The following FER variants were observed in gnomAD, a reference collection of about 807,000 sequenced individuals.
FER encodes the protein FER tyrosine kinase, also known as tyrosine-protein kinase Fer.
A neutral mutation model predicts 111.0 loss-of-function variants in FER; 63 were observed. The observed-to-expected ratio is 0.57, with a 90% confidence interval of 0.46 to 0.70. FER has a LOEUF of 0.70. Ranked by LOEUF, FER falls within the 30% of genes least tolerant of loss-of-function variation. The pLI is 0.00. For missense variants in FER, 914 were observed against 954.0 expected, an observed-to-expected ratio of 0.96 and a Z score of 0.55; for synonymous variants, 327 against 313.9, an observed-to-expected ratio of 1.04 and a Z score of -0.44.
intron 13 of FER, among the ~76,000 whole-genome samples, chr5:108,971,995 C>T (rs999757223): frequency 6.6e-6 from 1 of 151,658 alleles, no homozygotes; most frequent in South Asian, 2.1e-4. Flanking sequence ...AATATGTTTC[C>T]AATATTTTAT....
intron 13 of FER, among the ~76,000 whole-genome samples, chr5:109,016,972 C>T (rs1272280545): frequency 6.6e-6 from 1 of 151,962 alleles, no homozygotes; most frequent in Non-Finnish European, 1.5e-5. Context: ...TGTGAGGACA[C>T]AGTGGGAAGA....
chr5:109,172,426 T>C (rs1757216817), intron 17 of FER, among the ~76,000 whole-genome samples: 1 of 133,808 alleles, frequency 7.5e-6, no homozygotes, highest in South Asian at 2.4e-4. Context: ...TAGGTGGGAA[T>C]TGAACAATGA....
chr5:108,845,014 A>G (rs867288358), intron 5 of FER, among the ~76,000 whole-genome samples: 14 of 52,150 alleles, frequency 2.7e-4, no homozygotes, highest in Middle Eastern at 0.013. Flanking sequence ...ATATATATAT[A>G]TATATATATA....
chr5:108,807,789 C>T (rs1006173225), intron 3 of FER, among the ~76,000 whole-genome samples: 21 of 152,164 alleles, frequency 1.4e-4, no homozygotes, highest in African/African-American at 4.6e-4. Context: ...GCTCTTGTTG[C>T]GTCCCAGAGA....
At chr5:108,881,402 A>T (rs1446816642) in intron 8 of FER, among the ~76,000 whole-genome samples, 1 of 152,086 alleles carries the variant, frequency 6.6e-6, no homozygotes, top group East Asian at 1.9e-4. Flanking sequence ...CATGAGACTT[A>T]CTCACTATTG....
intron 3 of FER, among the ~76,000 whole-genome samples, chr5:108,830,428 T>C (rs2150127098): frequency 6.6e-6 from 1 of 152,312 alleles, no homozygotes; most frequent in African/African-American, 2.4e-5. Context: ...CACTCCAGCC[T>C]AGGTGATGGA....
At chr5:108,908,707 C>T (rs1000579807) in intron 10 of FER, among the ~76,000 whole-genome samples, 5 of 140,714 alleles carry the variant, frequency 3.6e-5, no homozygotes, top group Non-Finnish European at 4.5e-5. Context: ...GGCGAGTGAG[C>T]GAGACTCCGT....
chr5:109,043,821 A>C (rs1391063670), intron 14 of FER, among the ~76,000 whole-genome samples: 2 of 152,002 alleles, frequency 1.3e-5, no homozygotes, highest in Non-Finnish European at 2.9e-5. Context: ...AAATACAAAA[A>C]TTAGCTGGGT....
chr5:108,909,274 T>TA (rs1751221886), intron 10 of FER, among the ~76,000 whole-genome samples: 1 of 152,212 alleles, frequency 6.6e-6, no homozygotes, highest in Non-Finnish European at 1.5e-5. Context: ...TCCTTTTTTT[T>TA]ATTATAGTAT....
intron 16 of FER, among the ~76,000 whole-genome samples, chr5:109,086,316 T>C (rs983264093): frequency 6.6e-6 from 1 of 151,716 alleles, no homozygotes; most frequent in African/African-American, 2.4e-5. Context: ...CATAAGGTTA[T>C]TTATCATATC....
intron 16 of FER, among the ~76,000 whole-genome samples, chr5:109,059,024 G>A (rs1774031550): frequency 6.6e-6 from 1 of 151,422 alleles, no homozygotes; most frequent in Non-Finnish European, 1.5e-5. Flanking sequence ...ACAGGCGTGA[G>A]CCACCATGCC....
chr5:108,835,428 G>C (rs111818426), intron 4 of FER, among the ~76,000 whole-genome samples: 3 of 152,116 alleles, frequency 2.0e-5, no homozygotes, highest in African/African-American at 7.2e-5. Context: ...CAAGTGATCT[G>C]CTTGTTTTAG....
intron 13 of FER, among the ~76,000 whole-genome samples, chr5:109,019,198 A>T (rs570180375): frequency 7.3e-5 from 11 of 151,364 alleles, no homozygotes; most frequent in African/African-American, 2.4e-4. Context: ...TGGTTTTGGA[A>T]CTCTTCAGTT....
At chr5:108,782,887 A>G (rs1754255116) in intron 2 of FER, 1 of 152,178 alleles carries the variant, frequency 6.6e-6, no homozygotes, top group African/African-American at 2.4e-5. Flanking sequence ...TCTTCTATTG[A>G]ATTACTGTTA....
intron 17 of FER, among the ~76,000 whole-genome samples, chr5:109,162,754 A>G (rs908697454): frequency 1.3e-5 from 2 of 152,160 alleles, no homozygotes; most frequent in African/African-American, 4.8e-5. Flanking sequence ...TTATAATTTT[A>G]TATAGTTACA....
intron 13 of FER, among the ~76,000 whole-genome samples, chr5:109,010,789 C>T (rs373894228): frequency 6.6e-6 from 1 of 152,112 alleles, no homozygotes; most frequent in South Asian, 2.1e-4. Flanking sequence ...CGTTTTCTAC[C>T]TCAGAGCCAT....
In FER at chr5:108,940,383, C is replaced by T. The variant is rs74818846; in HGVS notation, c.1237-5747C>T. Reference sequence around the variant, plus strand: ...AATGAAAAGCATATGAAATTTATATCCAGGTTGGATATGGAAAGTCACAAG... The same window carrying T: ...AATGAAAAGCATATGAAATTTATATTCAGGTTGGATATGGAAAGTCACAAG... On this transcript the variant is annotated intron_variant, in intron 10 of 19. Transcript: ENST00000281092. Among the ~76,000 whole-genome samples the T allele has an allele frequency of 6.6e-3, 1,006 of 152,086 alleles. 3 individuals are homozygous for T. The highest frequency in any genetic ancestry group is 0.014 in the Middle Eastern group (4 of 294).
Position 109,196,115 on chromosome 5 carries a change from A to C in FER, c.*8540A>C, listed in dbSNP as rs1011056308. ...CAGCCCTGACTTCTTCAGGAATCCA[A>C]GCAAATTGAAAGCCAAGACAAAATG... On this transcript the variant is annotated 3_prime_UTR_variant, in exon 20 of 20. Transcript: ENST00000281092. The C allele has an allele frequency of 6.6e-6, 1 of 152,242 alleles. No individual in the cohort carries two copies. Among genetic ancestry groups the C allele is most frequent in the Admixed American group, 6.5e-5 (1 of 15,282 alleles). The allele number at this position is 152,242 out of a possible 1,614,324, so 9.4% of individuals were successfully genotyped here.
chr5:109,196,130 A>C lies in FER; in HGVS notation c.*8555A>C, dbSNP rs1280387036. ...CAGGAATCCAAGCAAATTGAAAGCC[A>C]AGACAAAATGTACAAATGGTGCCCA... is the stretch of plus-strand genomic sequence containing the variant. On this transcript the variant is annotated 3_prime_UTR_variant, in exon 20 of 20. Transcript: ENST00000281092. 1 of 152,246 alleles carries C rather than the reference A, an allele frequency of 6.6e-6. No individual in the cohort carries two copies. The highest frequency in any genetic ancestry group is 1.5e-5 in the Non-Finnish European group (1 of 68,044). 9.4% of individuals were successfully genotyped at this position (152,246 alleles called of 1,614,324 possible).
Sources: gnomAD v4.1 joint callset for allele counts (sites outside exome capture counted in the v4.1 genomes callset) on GRCh38, gnomAD v4.1.1 for gene constraint, MANE v1.5 for transcripts, NCBI Gene and HGNC (gene_info 2026-07-23, HGNC 2026-07-21) for gene names.